Variants in PKIA observed in about 807,000 individuals in gnomAD.
PKIA encodes the protein PKI-alpha.
In PKIA, 4 loss-of-function variants were observed where a neutral mutation model predicts 7.6. That is an observed-to-expected ratio of 0.52 (90% CI 0.26 to 1.20). The LOEUF (loss-of-function observed/expected upper bound fraction) is 1.20. Among genes scored for constraint, PKIA ranks in the 50% most tolerant of loss-of-function variants. The pLI is 0.13. For missense variants in PKIA, 73 were observed against 86.2 expected (o/e 0.85, Z 0.61); for synonymous variants, 21 against 30.7 (o/e 0.68, Z 1.04).
intron 1 of PKIA, among the ~76,000 whole-genome samples, chr8:78,556,262 A>G (rs1157369275): frequency 1.3e-5 from 2 of 152,094 alleles, no homozygotes; most frequent in African/African-American, 4.8e-5. Flanking sequence ...CACTAACTTT[A>G]CAGTCAGATC....
chr8:78,562,292 C>T (rs1807304474), intron 1 of PKIA, among the ~76,000 whole-genome samples: 1 of 152,044 alleles, frequency 6.6e-6, no homozygotes, highest in Non-Finnish European at 1.5e-5. Context: ...GCTTCTTGGG[C>T]TCTTAAAAAA....
chr8:78,550,658 TG>T (rs1428167658), intron 1 of PKIA, among the ~76,000 whole-genome samples: 1 of 152,108 alleles, frequency 6.6e-6, no homozygotes, highest in African/African-American at 2.4e-5. Flanking sequence ...CATTTATTTA[TG>T]TTTTTTTAAT....
chr8:78,517,682 A>G (rs1343385292), intron 1 of PKIA, among the ~76,000 whole-genome samples: 1 of 152,176 alleles, frequency 6.6e-6, no homozygotes, highest in Non-Finnish European at 1.5e-5. Context: ...CCCTCGTCCT[A>G]GGATTTTCCC....
At chr8:78,570,959 C>G (rs907024384) in intron 1 of PKIA, among the ~76,000 whole-genome samples, 9 of 152,134 alleles carry the variant, frequency 5.9e-5, no homozygotes, top group African/African-American at 1.7e-4. Context: ...AGACTGCTCT[C>G]TCTTCCATTA....
chr8:78,588,410 G>A (rs553546562), intron 2 of PKIA, among the ~76,000 whole-genome samples: 55 of 152,276 alleles, frequency 3.6e-4, no homozygotes, highest in Admixed American at 6.5e-4. Context: ...GACCCAGGAG[G>A]CGGAGGTTGC....
intron 1 of PKIA, among the ~76,000 whole-genome samples, chr8:78,528,633 GGC>G (rs2118352010): frequency 6.6e-6 from 1 of 150,598 alleles, no homozygotes; most frequent in South Asian, 2.1e-4. Flanking sequence ...AGACCAGCCT[GGC>G]CAACATAGTG....
At chr8:78,587,768 T>C (rs570954799) in intron 2 of PKIA, among the ~76,000 whole-genome samples, 44 of 152,304 alleles carry the variant, frequency 2.9e-4, no homozygotes, top group African/African-American at 9.9e-4. Flanking sequence ...GTTATAATTG[T>C]GAATATAAGA....
At chr8:78,598,092 TTAA>T (rs1808268521) in intron 2 of PKIA, among the ~76,000 whole-genome samples, 1 of 147,644 alleles carries the variant, frequency 6.8e-6, no homozygotes, top group Non-Finnish European at 1.5e-5. Flanking sequence ...TTAATAATAA[TTAA>T]TATTATTACA....
intron 1 of PKIA, among the ~76,000 whole-genome samples, chr8:78,542,252 A>T (rs1806712288): frequency 6.6e-6 from 1 of 152,082 alleles, no homozygotes. Context: ...CCCTAGTTTG[A>T]ACTTAATGTT....
At chr8:78,600,992 G>A (rs1195894813) in intron 3 of PKIA, among the ~76,000 whole-genome samples, 1 of 151,974 alleles carries the variant, frequency 6.6e-6, no homozygotes, top group African/African-American at 2.4e-5. Context: ...ACAAAATATC[G>A]CATGCAGATA....
At chr8:78,581,621 CACAA>C (rs1039188221) in intron 2 of PKIA, among the ~76,000 whole-genome samples, 1 of 152,026 alleles carries the variant, frequency 6.6e-6, no homozygotes, top group Non-Finnish European at 1.5e-5. Context: ...ATGAGACAAA[CACAA>C]ACAGCTAAAT....
At chr8:78,591,507 A>C (rs1158659706) in intron 2 of PKIA, among the ~76,000 whole-genome samples, 3 of 152,208 alleles carry the variant, frequency 2.0e-5, no homozygotes, top group Admixed American at 6.5e-5. Context: ...AAAGAGTAAG[A>C]GAGTGAGGCT....
At chr8:78,572,537 G>GCACA (rs1222539486) in intron 1 of PKIA, among the ~76,000 whole-genome samples, 59 of 115,638 alleles carry the variant, frequency 5.1e-4, no homozygotes, top group African/African-American at 1.9e-3. Flanking sequence ...AAAAAAAGCT[G>GCACA]CACGCACACA....
At chr8:78,582,981 T>G (rs891698288) in intron 2 of PKIA, among the ~76,000 whole-genome samples, 1 of 152,116 alleles carries the variant, frequency 6.6e-6, no homozygotes, top group Non-Finnish European at 1.5e-5. Flanking sequence ...CTTAGAAAAA[T>G]GAAAAACTTC....
At chr8:78,582,703 T>C (rs1807843739) in intron 2 of PKIA, among the ~76,000 whole-genome samples, 1 of 152,154 alleles carries the variant, frequency 6.6e-6, no homozygotes, top group African/African-American at 2.4e-5. Context: ...AAGAACTTTA[T>C]ATATTTCTAC....
intron 1 of PKIA, among the ~76,000 whole-genome samples, chr8:78,525,413 G>A (rs1218826581): frequency 6.6e-6 from 1 of 151,830 alleles, no homozygotes; most frequent in Non-Finnish European, 1.5e-5. Flanking sequence ...ACATCTTCAC[G>A]AGATATGTTG....
chr8:78,599,053 T>C (rs1808295730), intron 3 of PKIA, among the ~76,000 whole-genome samples: 1 of 152,104 alleles, frequency 6.6e-6, no homozygotes, highest in Admixed American at 6.6e-5. Flanking sequence ...AAAGGGTCTT[T>C]GGTTTCCTAT....
intron 3 of PKIA, among the ~76,000 whole-genome samples, chr8:78,600,983 C>A (rs571672013): frequency 2.2e-4 from 33 of 152,196 alleles, no homozygotes; most frequent in African/African-American, 7.7e-4. Context: ...TGCCTGATAA[C>A]AAAATATCGC....
intron 1 of PKIA, among the ~76,000 whole-genome samples, chr8:78,549,477 G>T (rs1806925549): frequency 4.0e-5 from 6 of 151,874 alleles, no homozygotes; most frequent in Admixed American, 3.9e-4. Flanking sequence ...CTTTCTTGAA[G>T]ATTATTTGTA....
Sources: allele counts gnomAD v4.1 joint callset (sites outside exome capture counted in the v4.1 genomes callset), GRCh38; gene constraint gnomAD v4.1.1; transcripts MANE v1.5; gene names NCBI Gene and HGNC (gene_info 2026-07-23, HGNC 2026-07-21).